KRAS: variants seen among roughly 807,000 people sequenced by gnomAD.
KRAS encodes GTPase KRas.
A neutral mutation model predicts 21.0 loss-of-function variants in KRAS; 1 was observed. The observed-to-expected ratio is 0.05, with a 90% CI of 0.02 to 0.23. The LOEUF (loss-of-function observed/expected upper bound fraction) is 0.23, where lower values mean the gene tolerates loss of function less well. Among genes scored for constraint, KRAS ranks in the 10% least tolerant of loss-of-function variants. The pLI is 1.00. For synonymous variants in KRAS, 67 were observed against 72.5 expected (o/e 0.92, Z 0.39); for missense variants, 107 against 221.8 (o/e 0.48, Z 3.29).
At chr12:25,246,273 G>C (rs1392725321) in intron 1 of KRAS, among the ~76,000 whole-genome samples, 7 of 151,558 alleles carry the variant, frequency 4.6e-5, no homozygotes. Context: ...ATAAAGATTA[G>C]AAAGCCGGGT....
chr12:25,238,093 G>T (rs1951565705), intron 2 of KRAS, among the ~76,000 whole-genome samples: 1 of 152,060 alleles, frequency 6.6e-6, no homozygotes. Context: ...CTAAAAGTAA[G>T]GATAAAGAAA....
At chr12:25,226,907 CTTT>C (rs1010451454) in intron 3 of KRAS, among the ~76,000 whole-genome samples, 1 of 151,984 alleles carries the variant, frequency 6.6e-6, no homozygotes, top group African/African-American at 2.4e-5. Context: ...TTTTCATATT[CTTT>C]TTTATGGTTT....
intron 4 of KRAS, among the ~76,000 whole-genome samples, chr12:25,224,011 G>A (rs956758906): frequency 1.3e-5 from 2 of 151,886 alleles, no homozygotes; most frequent in Non-Finnish European, 2.9e-5. Flanking sequence ...AGATTATAAT[G>A]GAGTTTAAAA....
In KRAS at chr12:25,210,327, A is replaced by G. The variant is rs575518616; in HGVS notation, c.451-416T>C. Among the ~76,000 whole-genome samples, 198 of 152,290 alleles carry G rather than the reference A, an allele frequency of 1.3e-3. 1 individual carries two copies. Among genetic ancestry groups the G allele is most frequent in the Non-Finnish European group, 9.1e-4 (62 of 67,988 alleles). On this transcript the variant is annotated intron_variant, in intron 4 of 4. Transcript: ENST00000311936. Reference sequence around the variant, plus strand: ...AGCCATGCAACTGTAAACTATGTTCATATATCTTCACACACAGTAACAGTA... The same window carrying G: ...AGCCATGCAACTGTAAACTATGTTCGTATATCTTCACACACAGTAACAGTA...
chr12:25,226,536 TACTAG>T (rs1172745637), intron 3 of KRAS, among the ~76,000 whole-genome samples: 6 of 152,208 alleles, frequency 3.9e-5, no homozygotes, highest in African/African-American at 7.2e-5. Flanking sequence ...TTTCCTCTAT[TACTAG>T]ACTATACAGT....
intron 2 of KRAS, among the ~76,000 whole-genome samples, chr12:25,232,281 A>G (rs1951483917): frequency 1.3e-5 from 2 of 152,230 alleles, no homozygotes. Flanking sequence ...CCCATTAGCT[A>G]GGAATAGTTA....
intron 2 of KRAS, chr12:25,234,404 A>C (rs962816624): frequency 7.7e-5 from 14 of 181,928 alleles, no homozygotes; most frequent in East Asian, 5.4e-4. Context: ...GAGGTTCATT[A>C]TACTACTATT....
chr12:25,212,216 A>T (rs921568034), intron 4 of KRAS, among the ~76,000 whole-genome samples: 2 of 152,232 alleles, frequency 1.3e-5, no homozygotes, highest in Non-Finnish European at 2.9e-5. Context: ...ATCCTTATGT[A>T]ATCTACTCCA....
At chr12:25,225,032 T>C (rs1192099027) in intron 4 of KRAS, 1 of 152,008 alleles carries the variant, frequency 6.6e-6, no homozygotes, top group Non-Finnish European at 1.5e-5. Flanking sequence ...AAGATGATTT[T>C]TGAAACAAAA....
chr12:25,221,432 C>T (rs372262952), intron 4 of KRAS, among the ~76,000 whole-genome samples: 1 of 152,104 alleles, frequency 6.6e-6, no homozygotes, highest in Admixed American at 6.6e-5. Flanking sequence ...GGGGTTTCAA[C>T]CACGTTGGCC....
At chr12:25,224,456 AT>A (rs1349344940) in intron 4 of KRAS, among the ~76,000 whole-genome samples, 2 of 152,132 alleles carry the variant, frequency 1.3e-5, no homozygotes, top group African/African-American at 4.8e-5. Context: ...AATTTTAAAT[AT>A]GGAAAAAAGC....
At chr12:25,216,343 G>A (rs577841517) in intron 4 of KRAS, among the ~76,000 whole-genome samples, 30 of 152,066 alleles carry the variant, frequency 2.0e-4, no homozygotes, top group Non-Finnish European at 4.1e-4. Context: ...GCAATGGCAC[G>A]ATCATGACTG....
chr12:25,249,991 T>C (rs1951743762), intron 1 of KRAS, among the ~76,000 whole-genome samples: 2 of 152,212 alleles, frequency 1.3e-5, no homozygotes, highest in South Asian at 4.1e-4. Context: ...GTGTAGGGTG[T>C]TGGCCACCTG....
intron 2 of KRAS, among the ~76,000 whole-genome samples, chr12:25,242,087 A>G (rs928785515): frequency 6.6e-6 from 1 of 152,228 alleles, no homozygotes; most frequent in Admixed American, 6.5e-5. Flanking sequence ...ACAGCTCAGA[A>G]CACTAAAGAT....
Position 25,208,283 on chromosome 12 carries a change from T to C in KRAS, c.*1512A>G, listed in dbSNP as rs1206408722. On this transcript the variant is annotated 3_prime_UTR_variant, in exon 5 of 5. Transcript: ENST00000311936. ...CACCTATCTAGAACCTAAGTCACCT[T>C]CTTCCTAGTCCAGTGATACTTTCAC... is the stretch of plus-strand genomic sequence containing the variant. 1 of 233,266 alleles carries C rather than the reference T, an allele frequency of 4.3e-6. No homozygotes were observed. The highest frequency in any genetic ancestry group is 2.2e-5 in the African/African-American group (1 of 45,332). The allele number at this position is 233,266 out of a possible 1,614,324, so 14.4% of individuals were successfully genotyped here.
At chr12:25,210,122 T>C in intron 4 of KRAS, among the ~76,000 whole-genome samples, 1 of 152,302 alleles carries the variant, frequency 6.6e-6, no homozygotes, top group Middle Eastern at 3.4e-3. Context: ...GGAACACTAA[T>C]TTTCACAAAA....
chr12:25,230,459 T>A (rs1951451518), intron 2 of KRAS, among the ~76,000 whole-genome samples: 1 of 152,088 alleles, frequency 6.6e-6, no homozygotes, highest in Non-Finnish European at 1.5e-5. Context: ...AGAAACCCCA[T>A]CTCTACTAAA....
chr12:25,219,586 T>C (rs1239072954), intron 4 of KRAS, among the ~76,000 whole-genome samples: 1 of 152,190 alleles, frequency 6.6e-6, no homozygotes, highest in African/African-American at 2.4e-5. Context: ...ACCCTAACTA[T>C]ATACAAATGC....
intron 2 of KRAS, among the ~76,000 whole-genome samples, chr12:25,242,875 G>A (rs987416453): frequency 1.3e-5 from 2 of 152,050 alleles, no homozygotes; most frequent in Non-Finnish European, 2.9e-5. Context: ...CCTTAGATGA[G>A]TTACAACCTC....
Sources: allele counts gnomAD v4.1 joint callset (sites outside exome capture counted in the v4.1 genomes callset), GRCh38; gene constraint gnomAD v4.1.1; transcripts MANE v1.5; gene names NCBI Gene and HGNC (gene_info 2026-07-23, HGNC 2026-07-21).